The following HIP1 variants were observed in gnomAD, a reference collection of about 807,000 sequenced individuals.
HIP1 encodes the protein huntingtin interacting protein 1, also known as huntingtin-interacting protein 1.
Under a neutral mutation model 147.6 loss-of-function variants are expected in HIP1, and 65 were observed. That is an observed-to-expected ratio of 0.44 (90% CI 0.36 to 0.54). The LOEUF (loss-of-function observed/expected upper bound fraction) is 0.54, where lower values mean the gene tolerates loss of function less well. Ranked by LOEUF, HIP1 falls within the 20% of genes least tolerant of loss-of-function variation. The probability of loss-of-function intolerance (pLI) is 0.00; values close to 1 mark genes in which losing one functional copy is unlikely to be tolerated. For synonymous variants in HIP1, 479 were observed against 504.0 expected, an observed-to-expected ratio of 0.95 and a Z score of 0.67; for missense variants, 1,061 against 1,299.6, an observed-to-expected ratio of 0.82 and a Z score of 2.82.
intron 1 of HIP1, among the ~76,000 whole-genome samples, chr7:75,735,338 C>A (rs929499463): frequency 6.6e-6 from 1 of 152,182 alleles, no homozygotes; most frequent in African/African-American, 2.4e-5. Flanking sequence ...AGTTACTTAA[C>A]CTCTCTGTGC....
At chr7:75,664,950 GAA>G (rs1799509590) in intron 1 of HIP1, among the ~76,000 whole-genome samples, 1 of 152,144 alleles carries the variant, frequency 6.6e-6, no homozygotes, top group Non-Finnish European at 1.5e-5. Context: ...CAGAGGGAAA[GAA>G]GAGACTAATT....
chr7:75,557,910 C>T (rs1212724770), intron 15 of HIP1, 140 bp from the exon 16 acceptor site: 4 of 700,162 alleles, frequency 5.7e-6, no homozygotes, highest in Non-Finnish European at 1.0e-5. Context: ...CGGAACAGAG[C>T]CATCACCTTC....
At position 75,556,771 on chromosome 7, in the gene HIP1, T is replaced by A; in HGVS notation, c.1622A>T (p.Glu541Val). The A allele has an allele frequency of 6.2e-7, 1 of 1,613,716 alleles. No homozygotes were observed. The highest frequency in any genetic ancestry group is 8.5e-7 in the Non-Finnish European group (1 of 1,179,728). ...QLEVLESLKQ[E>V]LATSQRELQV... is the part of the protein sequence containing the mutation. ...AAGCTCCCGTTGGCTTGTGGCAAGT[T>A]CCTGCTTCAAGCTCTCTAGAACTTC... is the stretch of plus-strand genomic sequence containing the variant. Residue 541 changes from glutamate (E) to valine (V), a missense_variant, in exon 17 of 31, where the codon GAA (glutamate) becomes GTA (valine). Physicochemically the swap from Glu to Val is moderately radical, Grantham distance 121. Coordinates refer to ENST00000336926, the MANE Select transcript of HIP1 (RefSeq NM_005338.7).
chr7:75,550,923 A>T (rs1554492003), intron 22 of HIP1, among the ~76,000 whole-genome samples: 1 of 152,122 alleles, frequency 6.6e-6, no homozygotes. Context: ...TGCATATATG[A>T]TCATAGGGGC....
chr7:75,640,067 A>G (rs1279513895), intron 1 of HIP1, among the ~76,000 whole-genome samples: 1 of 152,206 alleles, frequency 6.6e-6, no homozygotes, highest in African/African-American at 2.4e-5. Flanking sequence ...AATGCAAGGC[A>G]GACATTCCCC....
At chr7:75,683,434 G>A (rs181127324) in intron 1 of HIP1, among the ~76,000 whole-genome samples, 55 of 80,978 alleles carry the variant, frequency 6.8e-4, no homozygotes, top group Non-Finnish European at 4.7e-4. Context: ...GCATTTACTC[G>A]GACTCGTTGG....
chr7:75,574,848 AT>A (rs1463905449), intron 7 of HIP1, among the ~76,000 whole-genome samples: 3 of 151,834 alleles, frequency 2.0e-5, no homozygotes, highest in Admixed American at 2.0e-4. Flanking sequence ...CCTCATCTTC[AT>A]TTTTTTCCTC....
At chr7:75,675,408 C>T (rs782542078) in intron 1 of HIP1, among the ~76,000 whole-genome samples, 4 of 152,116 alleles carry the variant, frequency 2.6e-5, no homozygotes, top group Non-Finnish European at 5.9e-5. Flanking sequence ...ACCATGTTGG[C>T]CAGGCTGGTC....
chr7:75,660,734 G>A (rs1258030172), intron 1 of HIP1, among the ~76,000 whole-genome samples: 1 of 152,066 alleles, frequency 6.6e-6, no homozygotes, highest in Admixed American at 6.6e-5. Context: ...TTTCCATCGT[G>A]CCCTGAGGAA....
At chr7:75,633,485 T>C (rs1166238137) in intron 1 of HIP1, among the ~76,000 whole-genome samples, 2 of 152,238 alleles carry the variant, frequency 1.3e-5, no homozygotes, top group East Asian at 3.9e-4. Flanking sequence ...TAGAGATGGG[T>C]TTCACCATGT....
At chr7:75,597,991 TTTC>T (rs1796812378) in intron 2 of HIP1, among the ~76,000 whole-genome samples, 2 of 152,096 alleles carry the variant, frequency 1.3e-5, no homozygotes, top group Non-Finnish European at 2.9e-5. Context: ...TACAGAGGGC[TTTC>T]AAGTCACCCA....
chr7:75,613,134 TAGAA>T, intron 1 of HIP1, among the ~76,000 whole-genome samples: 1 of 150,904 alleles, frequency 6.6e-6, no homozygotes, highest in Non-Finnish European at 1.5e-5. Flanking sequence ...AAAAGAAAAC[TAGAA>T]AGAAAGAAAA....
chr7:75,668,123 T>G (rs1799616571), intron 1 of HIP1, among the ~76,000 whole-genome samples: 2 of 152,194 alleles, frequency 1.3e-5, no homozygotes, highest in African/African-American at 4.8e-5. Flanking sequence ...CGCAGCTATT[T>G]GAAGCTTTCA....
At chr7:75,538,866 G>A (rs775236823) in intron 30 of HIP1, among the ~76,000 whole-genome samples, 3 of 152,066 alleles carry the variant, frequency 2.0e-5, no homozygotes, top group South Asian at 2.1e-4. Context: ...GAGCCACCAC[G>A]CCCGGCCTAG....
intron 1 of HIP1, among the ~76,000 whole-genome samples, chr7:75,701,901 G>T (rs1800842945): frequency 6.6e-6 from 1 of 151,806 alleles, no homozygotes. Flanking sequence ...TGCCAGGTAT[G>T]GCTGTCCTCA....
Position 75,631,943 on chromosome 7 carries a change from T to G in HIP1, c.121-32696A>C, listed in dbSNP as rs192169511. 8.6e-5 allele frequency among the ~76,000 whole-genome samples: 13 copies of G among 151,506 alleles called. No individual in the cohort carries two copies. The East Asian group carries it at 2.1e-3, about 25-fold the overall frequency. ...GAAATGGGGAAGTGGGAGGGAGAGA[T>G]AGTGTGATGGGGGCAGAAAAGCACT... On this transcript the variant is annotated intron_variant, in intron 1 of 30. Transcript: ENST00000336926.
chr7:75,590,829 T>C (rs1251954708), intron 4 of HIP1, among the ~76,000 whole-genome samples: 1 of 152,200 alleles, frequency 6.6e-6, no homozygotes, highest in African/African-American at 2.4e-5. Context: ...CTCTCAACTT[T>C]GTTCTGGTAC....
chr7:75,737,346 T>TATG (rs1454763686), intron 1 of HIP1, among the ~76,000 whole-genome samples: 2 of 152,020 alleles, frequency 1.3e-5, no homozygotes, highest in Non-Finnish European at 2.9e-5. Flanking sequence ...TATTCTTTTT[T>TATG]ATTATTATTA....
chr7:75,559,707 GCC>G (rs1563202725), intron 14 of HIP1, 23 bp downstream of exon 14: 1 of 1,086,292 alleles, frequency 9.2e-7, no homozygotes. Flanking sequence ...CCCGGGGCCC[GCC>G]CCCGCCCCCA....
Sources: allele counts gnomAD v4.1 joint callset (sites outside exome capture counted in the v4.1 genomes callset), GRCh38; gene constraint gnomAD v4.1.1; transcripts MANE v1.5; gene names NCBI Gene and HGNC (gene_info 2026-07-23, HGNC 2026-07-21).